Variants in MEGF6 observed in about 807,000 individuals in gnomAD.
The protein encoded by MEGF6 is multiple EGF like domains 6, also known as multiple epidermal growth factor-like domains protein 6.
In MEGF6, 184 loss-of-function variants were observed where a neutral mutation model predicts 207.1. That is an observed-to-expected ratio of 0.89 (90% CI 0.79 to 1.00). The LOEUF is 1.00. Among genes scored for constraint, MEGF6 ranks in the 50% least tolerant of loss-of-function variants. MEGF6 has a pLI of 0.00. For synonymous variants in MEGF6, 1,038 were observed against 910.0 expected, an observed-to-expected ratio of 1.14 and a Z score of -2.53; for missense variants, 2,282 against 2,202.9, an observed-to-expected ratio of 1.04 and a Z score of -0.72.
At chr1:3,566,604 G>A (rs1051617508) in intron 4 of MEGF6, among the ~76,000 whole-genome samples, 17 of 152,154 alleles carry the variant, frequency 1.1e-4, no homozygotes, top group East Asian at 1.9e-4. Flanking sequence ...AGGACCAGCC[G>A]CTCGGCCCAT....
chr1:3,553,449 G>C (rs948050115), intron 4 of MEGF6, among the ~76,000 whole-genome samples: 1 of 152,168 alleles, frequency 6.6e-6, no homozygotes, highest in East Asian at 1.9e-4. Flanking sequence ...CTGACGAGGA[G>C]GGGGAGCCTC....
intron 35 of MEGF6, among the ~76,000 whole-genome samples, chr1:3,491,753 T>TG (rs559707405): frequency 5.5e-5 from 1 of 18,250 alleles, no homozygotes; most frequent in Non-Finnish European, 1.6e-4. Context: ...CCAACACCGC[T>TG]GGGGGGTACA....
intron 36 of MEGF6, 147 bp from the exon 37 acceptor site, chr1:3,490,736 C>G: frequency 1.7e-6 from 2 of 1,183,526 alleles, no homozygotes; most frequent in Non-Finnish European, 2.4e-6. Flanking sequence ...TCCTTCCCAG[C>G]CTGTCCTTCC....
At chr1:3,503,039 G>A (rs573616803) in intron 17 of MEGF6, among the ~76,000 whole-genome samples, 1 of 152,304 alleles carries the variant, frequency 6.6e-6, no homozygotes, top group Admixed American at 6.5e-5. Context: ...CAGAGCCCAC[G>A]TGTCAGAAGG....
intron 3 of MEGF6, among the ~76,000 whole-genome samples, chr1:3,590,604 G>A (rs1022661595): frequency 1.3e-5 from 2 of 152,198 alleles, no homozygotes; most frequent in Admixed American, 6.5e-5. Context: ...ACACAAACAC[G>A]GCAGGGCTCC....
intron 4 of MEGF6, among the ~76,000 whole-genome samples, chr1:3,566,670 G>A (rs1643351902): frequency 6.6e-6 from 1 of 152,272 alleles, no homozygotes; most frequent in Admixed American, 6.5e-5. Context: ...GCCCCCCGGC[G>A]CCCCATCAAA....
rs748632197 is a variant in MEGF6, at chr1:3,496,023, CG to C, written c.3743-6del. ...CGAAGCGGCCCTGCGGACAGGCTGC[CG>C]GGGAGGAAGTGGTGATCGTGGCTGG... is the stretch of plus-strand genomic sequence containing the variant. On this transcript the variant is annotated splice_polypyrimidine_tract_variant and splice_region_variant and intron_variant, in intron 29 of 36. Coordinates refer to ENST00000356575, the MANE Select transcript of MEGF6 (RefSeq NM_001409.4). 186 of 1,511,742 alleles carry C rather than the reference CG, an allele frequency of 1.2e-4. No individual in the cohort carries two copies. Among genetic ancestry groups the C allele is most frequent in the Non-Finnish European group, 1.6e-4 (182 of 1,136,012 alleles). The allele number at this position is 1,511,742 out of a possible 1,614,324, so 93.6% of individuals were successfully genotyped here. A position where few individuals can be genotyped will look rare whatever the true frequency, so the allele number is the denominator to read the frequency against.
intron 9 of MEGF6, among the ~76,000 whole-genome samples, 169 bp from the exon 10 acceptor site, chr1:3,511,071 C>A (rs549691803): frequency 4.6e-5 from 7 of 152,352 alleles, no homozygotes; most frequent in African/African-American, 1.7e-4. Context: ...TGCAGACAAT[C>A]GCACCCACCA....
intron 12 of MEGF6, 133 bp downstream of exon 12, chr1:3,508,942 C>T (rs1458775580): frequency 8.5e-7 from 1 of 1,172,424 alleles, no homozygotes; most frequent in Non-Finnish European, 1.2e-6. Context: ...CCTCTCTGGG[C>T]CTTGGTCTAA....
intron 24 of MEGF6, 127 bp from the exon 25 acceptor site, chr1:3,498,953 A>G: frequency 7.0e-7 from 1 of 1,421,234 alleles, no homozygotes; most frequent in Non-Finnish European, 9.5e-7. Flanking sequence ...CCCTAGGATG[A>G]CCTGCCAGCC....
At chr1:3,567,877 C>A (rs1385452869) in intron 4 of MEGF6, among the ~76,000 whole-genome samples, 1 of 152,148 alleles carries the variant, frequency 6.6e-6, no homozygotes, top group African/African-American at 2.4e-5. Context: ...CCTCTTTCCT[C>A]ACTTAGGTGG....
At chr1:3,540,636 A>G (rs925640715) in intron 4 of MEGF6, among the ~76,000 whole-genome samples, 3 of 152,242 alleles carry the variant, frequency 2.0e-5, no homozygotes, top group Admixed American at 6.5e-5. Context: ...TATGTCTTAC[A>G]GCTCCAGAGG....
chr1:3,602,058 GT>G, intron 2 of MEGF6, among the ~76,000 whole-genome samples: 1 of 152,230 alleles, frequency 6.6e-6, no homozygotes. Context: ...CAAGTTCGGT[GT>G]TGAAATAAAA....
At chr1:3,497,434 A>G in intron 26 of MEGF6, 73 bp from the exon 27 acceptor site, 20 of 1,445,992 alleles carry the variant, frequency 1.4e-5, no homozygotes, top group Non-Finnish European at 1.8e-5. Context: ...ACAGGCCGGG[A>G]GCAGGTGCTG....
At chr1:3,526,315 A>T (rs1641959726) in intron 4 of MEGF6, among the ~76,000 whole-genome samples, 1 of 151,920 alleles carries the variant, frequency 6.6e-6, no homozygotes, top group African/African-American at 2.4e-5. Context: ...GGAGGGCAAG[A>T]GCCCGGTACC....
rs368705970 is a variant in MEGF6 at position 3,565,579 on chromosome 1, C to A, written c.481+14246G>T. ...CGGGGCTGCCTGGCCTGGCCCTGGA[C>A]GGTCCCCATGGTAGGACCTGGGGCA... is the stretch of plus-strand genomic sequence containing the variant. On this transcript the variant is annotated intron_variant, in intron 4 of 36. Coordinates refer to ENST00000356575, the MANE Select transcript of MEGF6 (RefSeq NM_001409.4). This position sits in a 1 kb window ranked among gnomAD's most constrained non-coding sequence, Gnocchi z 4.8. Among the ~76,000 whole-genome samples, 4 of 152,160 alleles carry A rather than the reference C, an allele frequency of 2.6e-5. No individual in the cohort carries two copies. Among genetic ancestry groups the A allele is most frequent in the African/African-American group, 9.7e-5 (4 of 41,434 alleles).
rs1644050494 is a variant in MEGF6 at position 3,595,559 on chromosome 1, A to G, written c.267-112T>C. ...GCGTCAGCCGGGTTCCCGGCGGCACAGGCTGCAGCACCAAGGTTCCTGGGT... is the reference window on the plus strand; with the variant it reads ...GCGTCAGCCGGGTTCCCGGCGGCACGGGCTGCAGCACCAAGGTTCCTGGGT... On this transcript the variant is annotated intron_variant, in intron 2 of 36. Coordinates refer to ENST00000356575, the MANE Select transcript of MEGF6 (RefSeq NM_001409.4). The G allele has an allele frequency of 9.2e-6, 8 of 866,432 alleles. No homozygotes were observed. In the South Asian group the frequency reaches 1.1e-4, roughly 12 times the overall value. 53.7% of individuals were successfully genotyped at this position (866,432 alleles called of 1,614,324 possible). A position where few individuals can be genotyped will look rare whatever the true frequency, so the allele number is the denominator to read the frequency against.
At chr1:3,613,224 C>T (rs139369923), upstream of MEGF6, among the ~76,000 whole-genome samples, 1,489 of 152,324 alleles carry the variant, frequency 9.8e-3, 27 homozygotes, top group African/African-American at 0.034. Context: ...CCACCCTTCC[C>T]GGGATCTCGG....
At chr1:3,595,483 G>C (rs375354456) in intron 2 of MEGF6, 36 bp from the exon 3 acceptor site, 17 of 1,557,860 alleles carry the variant, frequency 1.1e-5, no homozygotes, top group Non-Finnish European at 1.4e-5. Flanking sequence ...GCTTACCGTC[G>C]CGGGACTGGC....
Sources: allele counts gnomAD v4.1 joint callset (sites outside exome capture counted in the v4.1 genomes callset), GRCh38; gene constraint gnomAD v4.1.1; non-coding constraint Gnocchi (gnomAD v3.1); transcripts MANE v1.5; gene names NCBI Gene and HGNC (gene_info 2026-07-23, HGNC 2026-07-21).